The following MAGI1 variants were observed in gnomAD, a reference collection of about 807,000 sequenced individuals.
MAGI1 encodes membrane associated guanylate kinase, WW and PDZ domain containing 1, also known as membrane-associated guanylate kinase, WW and PDZ domain-containing protein 1.
Under a neutral mutation model 139.9 loss-of-function variants are expected in MAGI1, and 58 were observed. The ratio of observed to expected loss-of-function variants is 0.41; its 90% CI spans 0.34 to 0.52. The LOEUF (loss-of-function observed/expected upper bound fraction) is 0.52, where lower values mean the gene tolerates loss of function less well. MAGI1 is among the 20% of genes least tolerant of loss of function. MAGI1 has a pLI of 0.12. For missense variants in MAGI1, 1,874 were observed against 1,901.6 expected (o/e 0.99, Z 0.27); for synonymous variants, 812 against 737.9 (o/e 1.10, Z -1.63).
intron 1 of MAGI1, among the ~76,000 whole-genome samples, chr3:65,705,936 A>G (rs1393003080): frequency 6.6e-6 from 1 of 152,212 alleles, no homozygotes; most frequent in African/African-American, 2.4e-5. Context: ...TATCTGCAGT[A>G]TATTTCTGTA....
At chr3:65,902,846 A>G (rs2061288292) in intron 1 of MAGI1, 1 of 153,002 alleles carries the variant, frequency 6.5e-6, no homozygotes, top group African/African-American at 2.4e-5. Context: ...GAAAATGAAA[A>G]TTGCCTTAAG....
At chr3:65,752,716 C>T (rs905119382) in intron 1 of MAGI1, among the ~76,000 whole-genome samples, 2 of 152,166 alleles carry the variant, frequency 1.3e-5, no homozygotes, top group Admixed American at 6.5e-5. Context: ...TCAACCTTAA[C>T]CCCTGTCCTG....
intron 1 of MAGI1, among the ~76,000 whole-genome samples, chr3:65,759,883 G>A (rs17073710): frequency 0.19 from 29,220 of 151,918 alleles, 3,491 homozygotes; most frequent in East Asian, 0.46. Context: ...ATTAAGATTC[G>A]GGGCTCTAGA....
intron 2 of MAGI1, among the ~76,000 whole-genome samples, chr3:65,551,012 C>A (rs1341106618): frequency 1.3e-5 from 2 of 152,216 alleles, no homozygotes; most frequent in East Asian, 1.9e-4. Context: ...TGTGTCCCCA[C>A]CCAAATCTCA....
chr3:65,604,239 C>T (rs1346786765), intron 2 of MAGI1, among the ~76,000 whole-genome samples: 1 of 150,942 alleles, frequency 6.6e-6, no homozygotes, highest in African/African-American at 2.4e-5. Flanking sequence ...TGTTATATGA[C>T]AAAGAAGACA....
At chr3:65,503,521 C>T in intron 2 of MAGI1, among the ~76,000 whole-genome samples, 1 of 152,154 alleles carries the variant, frequency 6.6e-6, no homozygotes, top group African/African-American at 2.4e-5. Context: ...GTAATTGTGT[C>T]TCATAAATGG....
intron 12 of MAGI1, among the ~76,000 whole-genome samples, chr3:65,425,212 T>A (rs1284149524): frequency 1.3e-5 from 2 of 150,700 alleles, no homozygotes; most frequent in Non-Finnish European, 1.5e-5. Context: ...AAAATATTAA[T>A]GCTTCCCCAC....
chr3:65,836,175 G>A (rs142187755), intron 1 of MAGI1, among the ~76,000 whole-genome samples: 15 of 152,158 alleles, frequency 9.9e-5, no homozygotes, highest in African/African-American at 3.6e-4. Flanking sequence ...CCAAGTAAGG[G>A]GTAAAAGGTA....
intron 5 of MAGI1, among the ~76,000 whole-genome samples, chr3:65,457,040 C>T (rs1949444372): frequency 6.6e-6 from 1 of 152,000 alleles, no homozygotes; most frequent in South Asian, 2.1e-4. Flanking sequence ...TTTCCTTTGC[C>T]TTTCCATTTA....
intron 1 of MAGI1, among the ~76,000 whole-genome samples, chr3:65,990,807 T>C (rs1190153509): frequency 6.6e-6 from 1 of 152,198 alleles, no homozygotes; most frequent in East Asian, 1.9e-4. Context: ...TCTAATTCTC[T>C]ATCAAACCTT....
chr3:65,592,250 T>C (rs1338248870), intron 2 of MAGI1, among the ~76,000 whole-genome samples: 1 of 152,166 alleles, frequency 6.6e-6, no homozygotes, highest in Admixed American at 6.5e-5. Flanking sequence ...CAATTATTAT[T>C]AGAAAGAATA....
chr3:65,659,504 T>C lies in MAGI1; in HGVS notation c.314-37416A>G, dbSNP rs1018960826. On this transcript the variant is annotated intron_variant, in intron 1 of 22. Coordinates refer to ENST00000402939, the MANE Select transcript of MAGI1 (RefSeq NM_001033057.2). Reference sequence around the variant, plus strand: ...GCCAGGACGGTTCCAAAAACACTCATATTTGGTGTAAAACTGGAAGGCAAC... The same window carrying C: ...GCCAGGACGGTTCCAAAAACACTCACATTTGGTGTAAAACTGGAAGGCAAC... 3.3e-5 allele frequency among the ~76,000 whole-genome samples: 5 copies of C among 152,192 alleles called. 1 individual carries two copies. The Middle Eastern group carries it at 0.014, about 414-fold the overall frequency.
At chr3:65,686,020 A>G (rs1317783363) in intron 1 of MAGI1, among the ~76,000 whole-genome samples, 3 of 152,002 alleles carry the variant, frequency 2.0e-5, no homozygotes, top group South Asian at 2.1e-4. Context: ...TTTTTCCCCA[A>G]TTGCTAGGGA....
intron 2 of MAGI1, among the ~76,000 whole-genome samples, chr3:65,520,508 T>C (rs1243418928): frequency 6.6e-6 from 1 of 152,158 alleles, no homozygotes; most frequent in African/African-American, 2.4e-5. Context: ...TTTCTTGAGA[T>C]ATTGTGAGGT....
At chr3:65,511,363 T>C (rs1005134498) in intron 2 of MAGI1, among the ~76,000 whole-genome samples, 32 of 146,916 alleles carry the variant, frequency 2.2e-4, no homozygotes, top group South Asian at 1.3e-3. Flanking sequence ...GACTGGCAAA[T>C]TGGATAAAGA....
At chr3:65,521,144 A>G (rs1485223556) in intron 2 of MAGI1, among the ~76,000 whole-genome samples, 1 of 152,186 alleles carries the variant, frequency 6.6e-6, no homozygotes, top group Non-Finnish European at 1.5e-5. Flanking sequence ...GGATCAATTT[A>G]CCACTTTATT....
chr3:65,683,659 T>G (rs545093603), intron 1 of MAGI1, among the ~76,000 whole-genome samples: 1 of 81,662 alleles, frequency 1.2e-5, no homozygotes, highest in African/African-American at 3.4e-5. Context: ...CTGAATAGGA[T>G]ATATATATAT....
intron 1 of MAGI1, among the ~76,000 whole-genome samples, chr3:65,855,145 TAG>T (rs2059331166): frequency 1.3e-5 from 2 of 152,124 alleles, no homozygotes; most frequent in South Asian, 4.2e-4. Context: ...CTGAAGCACT[TAG>T]CACCCTAACC....
chr3:65,533,674 A>T (rs982716585), intron 2 of MAGI1, among the ~76,000 whole-genome samples: 1 of 152,206 alleles, frequency 6.6e-6, no homozygotes, highest in Admixed American at 6.5e-5. Flanking sequence ...AACCATGTAG[A>T]AAGCTATATA....
Sources: gnomAD v4.1 joint callset for allele counts (sites outside exome capture counted in the v4.1 genomes callset) on GRCh38, gnomAD v4.1.1 for gene constraint, MANE v1.5 for transcripts, NCBI Gene and HGNC (gene_info 2026-07-23, HGNC 2026-07-21) for gene names.